Variants in NAV3 observed in about 807,000 individuals in gnomAD.
NAV3 encodes the protein neuron navigator 3.
In NAV3, 87 loss-of-function variants were observed where a neutral mutation model predicts 244.7. That is an observed-to-expected ratio of 0.36 (90% confidence interval 0.30 to 0.42). The LOEUF is 0.42. NAV3 is among the 20% of genes least tolerant of loss of function. The probability of loss-of-function intolerance (pLI) is 1.00; values close to 1 mark genes in which losing one functional copy is unlikely to be tolerated. For synonymous variants in NAV3, 1,126 were observed against 1,042.2 expected (o/e 1.08, Z -1.55); for missense variants, 2,663 against 2,893.3 (o/e 0.92, Z 1.83).
At chr12:77,584,559 G>A (rs1269549462) in intron 2 of NAV3, among the ~76,000 whole-genome samples, 1 of 151,934 alleles carries the variant, frequency 6.6e-6, no homozygotes, top group African/African-American at 2.4e-5. Flanking sequence ...ACTTTCAAAG[G>A]GCAAAGCTAT....
chr12:77,957,982 T>A (rs1333557854), intron 3 of NAV3, among the ~76,000 whole-genome samples: 1 of 152,156 alleles, frequency 6.6e-6, no homozygotes, highest in Non-Finnish European at 1.5e-5. Context: ...GTGTTTCTAA[T>A]ACACACTCTA....
In NAV3 at chr12:78,006,951, G is replaced by T. The variant is rs770422527; in HGVS notation, c.1413G>T (p.Lys471Asn). The change falls in exon 8 of 40, where the codon AAG becomes AAT. Residue 471 changes from lysine (K) to asparagine (N), a missense_variant. Lys to Asn is a moderately conservative substitution (Grantham distance 94). Coordinates refer to ENST00000397909, the MANE Select transcript of NAV3 (RefSeq NM_001024383.2). ...TACAGCCAAAGGAAAAAGAAGAAAA[G>T]AACAGGGACAAAAATAAAGTTTGCA... ...SLLQPKEKEE[K>N]NRDKNKVCTE... 6.2e-7 allele frequency: 1 copy of T among 1,613,774 alleles called. No individual in the cohort carries two copies. The highest frequency in any genetic ancestry group is 1.7e-5 in the Admixed American group (1 of 59,924).
At chr12:77,816,079 A>G (rs1486816329) in intron 2 of NAV3, among the ~76,000 whole-genome samples, 2 of 152,180 alleles carry the variant, frequency 1.3e-5, no homozygotes, top group East Asian at 3.9e-4. Flanking sequence ...TGGGAAAAAA[A>G]TTAAGGGTGA....
intron 5 of NAV3, among the ~76,000 whole-genome samples, chr12:77,973,852 C>G (rs10160972): frequency 0.062 from 9,417 of 151,318 alleles, 409 homozygotes; most frequent in African/African-American, 0.12. Flanking sequence ...CATAGTGTGC[C>G]CTTTAAAAAA....
chr12:77,849,387 T>C (rs992395953), intron 1 of NAV3, among the ~76,000 whole-genome samples: 10 of 152,196 alleles, frequency 6.6e-5, no homozygotes, highest in Non-Finnish European at 2.9e-5. Flanking sequence ...ATGCTATTTC[T>C]ATGCAGGTTG....
At chr12:78,158,891 T>C (rs1028427169) in intron 22 of NAV3, among the ~76,000 whole-genome samples, 4 of 152,202 alleles carry the variant, frequency 2.6e-5, no homozygotes, top group Admixed American at 2.0e-4. Flanking sequence ...ATATTCGGCA[T>C]TTTGAGTGTC....
chr12:78,174,962 T>C (rs1038812483), intron 24 of NAV3, among the ~76,000 whole-genome samples: 1 of 152,028 alleles, frequency 6.6e-6, no homozygotes, highest in South Asian at 2.1e-4. Flanking sequence ...TCTTTTAAAT[T>C]AATCATTCAG....
chr12:77,685,473 G>GCACACA (rs778398842), intron 2 of NAV3, among the ~76,000 whole-genome samples: 728 of 42,678 alleles, frequency 0.017, 11 homozygotes, highest in African/African-American at 0.033. Flanking sequence ...GCATACACAT[G>GCACACA]CACACACACA....
At chr12:77,642,331 G>T (rs548260676) in intron 2 of NAV3, among the ~76,000 whole-genome samples, 44 of 152,068 alleles carry the variant, frequency 2.9e-4, no homozygotes, top group African/African-American at 1.1e-3. Context: ...CAATAATGAA[G>T]AATATTGCCT....
intron 1 of NAV3, among the ~76,000 whole-genome samples, chr12:77,834,192 AG>A (rs1185108708): frequency 1.3e-5 from 2 of 152,148 alleles, no homozygotes; most frequent in Non-Finnish European, 2.9e-5. Context: ...GCACAGGCCC[AG>A]GGGTGGAGCC....
At chr12:77,906,315 C>T (rs1885969604) in intron 1 of NAV3, among the ~76,000 whole-genome samples, 1 of 152,072 alleles carries the variant, frequency 6.6e-6, no homozygotes, top group Admixed American at 6.6e-5. Flanking sequence ...TTCCCCAATG[C>T]TTTCCAATTA....
chr12:78,149,801 T>C (rs1957002757), intron 22 of NAV3, among the ~76,000 whole-genome samples: 1 of 151,780 alleles, frequency 6.6e-6, no homozygotes, highest in Non-Finnish European at 1.5e-5. Flanking sequence ...ATGTCAAGAG[T>C]GAGCAGGTGC....
chr12:78,034,129 T>C (rs919496378), intron 9 of NAV3, among the ~76,000 whole-genome samples: 1 of 152,242 alleles, frequency 6.6e-6, no homozygotes, highest in Admixed American at 6.5e-5. Context: ...ACTTCGGCAC[T>C]GTGGACGTTG....
At chr12:77,867,031 A>G (rs74389521) in intron 1 of NAV3, among the ~76,000 whole-genome samples, 1 of 152,222 alleles carries the variant, frequency 6.6e-6, no homozygotes, top group Non-Finnish European at 1.5e-5. Context: ...CCAATGGTGA[A>G]TAAAAGCTAA....
At chr12:78,060,947 T>C (rs892712410) in intron 12 of NAV3, among the ~76,000 whole-genome samples, 3 of 152,168 alleles carry the variant, frequency 2.0e-5, no homozygotes, top group African/African-American at 7.2e-5. Context: ...TCAACTCTCC[T>C]TGCTCCATCA....
In NAV3 at chr12:78,006,660, C is replaced by T. The variant is rs142942747; in HGVS notation, c.1122C>T (p.Val374=). Residue 374 remains valine, a synonymous_variant, in exon 8 of 40, where the codon GTC becomes GTT. Coordinates refer to ENST00000397909, the MANE Select transcript of NAV3 (RefSeq NM_001024383.2). ...DRLKPPVSEG[V]KTAPSGQKSM... is the part of the protein sequence containing the mutation. ...TGAAGCCACCTGTCTCAGAAGGGGTCAAAACTGCTCCCTCAGGACAGAAAT... is the reference window on the plus strand; with the variant it reads ...TGAAGCCACCTGTCTCAGAAGGGGTTAAAACTGCTCCCTCAGGACAGAAAT... 4.2e-4 allele frequency: 682 copies of T among 1,614,120 alleles called. 2 individuals carry two copies. The African/African-American group carries it at 8.6e-3, about 20-fold the overall frequency.
Position 77,916,064 on chromosome 12 carries a change from C to T in NAV3, c.244-24255C>T, listed in dbSNP as rs180693444. Among the ~76,000 whole-genome samples the T allele has an allele frequency of 2.0e-3, 306 of 152,098 alleles. 1 individual carries two copies. Among genetic ancestry groups the T allele is most frequent in the Admixed American group, 3.1e-3 (48 of 15,244 alleles). ...GGCTGTTTTATCAAGAAATTTAAGA[C>T]AGGCCACTCTGAGATGGTGATATTT... On this transcript the variant is annotated intron_variant, in intron 1 of 39. Transcript: ENST00000397909.
intron 9 of NAV3, among the ~76,000 whole-genome samples, chr12:78,024,987 G>GGA (rs556101376): frequency 1.3e-5 from 2 of 149,292 alleles, no homozygotes; most frequent in Admixed American, 6.6e-5. Context: ...GAAAAAGGGG[G>GGA]AAAAAAAAAG....
intron 2 of NAV3, among the ~76,000 whole-genome samples, chr12:77,743,576 G>T (rs925501270): frequency 6.6e-6 from 1 of 151,672 alleles, no homozygotes; most frequent in Non-Finnish European, 1.5e-5. Context: ...TAAGTGAGTG[G>T]ATGAACAATT....
Sources: allele counts gnomAD v4.1 joint callset (sites outside exome capture counted in the v4.1 genomes callset), GRCh38; gene constraint gnomAD v4.1.1; transcripts MANE v1.5; gene names NCBI Gene and HGNC (gene_info 2026-07-23, HGNC 2026-07-21).